BRINP3: variants seen among roughly 807,000 people sequenced by gnomAD.
BRINP3 encodes BMP/retinoic acid-inducible neural-specific protein 3.
BRINP3 carries 19 observed loss-of-function variants against 71.0 expected under a neutral mutation model. The ratio of observed to expected loss-of-function variants is 0.27; its 90% CI spans 0.19 to 0.39. BRINP3 has a LOEUF of 0.39. Among genes scored for constraint, BRINP3 ranks in the 10% least tolerant of loss-of-function variants. The pLI, the probability that BRINP3 is intolerant of heterozygous loss-of-function variation, is 1.00. For missense variants in BRINP3, 959 were observed against 940.8 expected (o/e 1.02, Z -0.25); for synonymous variants, 380 against 337.7 (o/e 1.13, Z -1.37).
chr1:190,111,603 A>G (rs10920547), intron 7 of BRINP3, among the ~76,000 whole-genome samples: 7,751 of 152,154 alleles, frequency 0.051, 659 homozygotes, highest in African/African-American at 0.18. Context: ...ACAGAAGTCT[A>G]ATGTGGGAGA....
intron 7 of BRINP3, among the ~76,000 whole-genome samples, chr1:190,152,082 G>T (rs1326706055): frequency 6.6e-6 from 1 of 152,006 alleles, no homozygotes; most frequent in African/African-American, 2.4e-5. Context: ...TAGTATTCAA[G>T]AATCTCCAAC....
At chr1:190,131,992 C>T (rs2102354961) in intron 7 of BRINP3, among the ~76,000 whole-genome samples, 1 of 152,076 alleles carries the variant, frequency 6.6e-6, no homozygotes, top group African/African-American at 2.4e-5. Flanking sequence ...TCTATCCTGG[C>T]TAGTGTGTAG....
intron 1 of BRINP3, among the ~76,000 whole-genome samples, chr1:190,473,536 T>C (rs1677283362): frequency 7.8e-6 from 1 of 128,188 alleles, no homozygotes; most frequent in South Asian, 2.5e-4. Flanking sequence ...TTAGTAATTT[T>C]TCTCTTTTTT....
At chr1:190,315,507 C>A (rs905482690) in intron 2 of BRINP3, among the ~76,000 whole-genome samples, 4 of 152,124 alleles carry the variant, frequency 2.6e-5, no homozygotes, top group African/African-American at 7.2e-5. Flanking sequence ...CATGCCCTAC[C>A]CATAAATTCG....
Position 190,231,860 on chromosome 1 carries a change from C to G in BRINP3, c.724+2512G>C, listed in dbSNP as rs564924111. Among the ~76,000 whole-genome samples, 13 of 151,918 alleles carry G rather than the reference C, an allele frequency of 8.6e-5. No homozygotes were observed. In the South Asian group the frequency reaches 2.7e-3, roughly 32 times the overall value. On this transcript the variant is annotated intron_variant, in intron 5 of 7. Transcript: ENST00000367462. ...TAGAGTTCTGTTCTGAATTAGTTGTCTAATCCAGTTGACTTCAACAATTAC... is the reference window on the plus strand; with the variant it reads ...TAGAGTTCTGTTCTGAATTAGTTGTGTAATCCAGTTGACTTCAACAATTAC...
chr1:190,394,605 A>T (rs1043236921), intron 2 of BRINP3, among the ~76,000 whole-genome samples: 6 of 151,610 alleles, frequency 4.0e-5, no homozygotes, highest in Non-Finnish European at 7.4e-5. Context: ...TATTACTAGA[A>T]AGAGAGATAT....
At chr1:190,298,898 G>T (rs1448660538) in intron 2 of BRINP3, among the ~76,000 whole-genome samples, 2 of 152,092 alleles carry the variant, frequency 1.3e-5, no homozygotes, top group African/African-American at 2.4e-5. Context: ...GACGACAGAG[G>T]TGTTGAAATA....
At chr1:190,148,195 T>C (rs976703312) in intron 7 of BRINP3, among the ~76,000 whole-genome samples, 1 of 152,068 alleles carries the variant, frequency 6.6e-6, no homozygotes, top group African/African-American at 2.4e-5. Context: ...CTCTCTCTCT[T>C]TCTCATTGCC....
chr1:190,322,777 T>C (rs899723465), intron 2 of BRINP3, among the ~76,000 whole-genome samples: 1 of 152,068 alleles, frequency 6.6e-6, no homozygotes, highest in Non-Finnish European at 1.5e-5. Context: ...TTCTAATAAA[T>C]ATAAAGTTAC....
intron 4 of BRINP3, among the ~76,000 whole-genome samples, chr1:190,244,809 G>A (rs1659434806): frequency 6.6e-6 from 1 of 151,836 alleles, no homozygotes; most frequent in Non-Finnish European, 1.5e-5. Flanking sequence ...TAGTATATTA[G>A]AACATATCTC....
chr1:190,188,498 T>G (rs1653737462), intron 6 of BRINP3, among the ~76,000 whole-genome samples: 1 of 152,188 alleles, frequency 6.6e-6, no homozygotes. Context: ...GCTGTGGGAT[T>G]GTCATATATA....
chr1:190,408,896 G>A (rs1416096714), intron 2 of BRINP3, among the ~76,000 whole-genome samples: 6 of 152,116 alleles, frequency 3.9e-5, no homozygotes, highest in Non-Finnish European at 4.4e-5. Context: ...CTAAATCAGT[G>A]GTAAAGGATG....
intron 6 of BRINP3, among the ~76,000 whole-genome samples, chr1:190,204,907 T>G (rs915548031): frequency 6.6e-6 from 1 of 152,044 alleles, no homozygotes; most frequent in Non-Finnish European, 1.5e-5. Context: ...CATTATTGGT[T>G]CCTTCTTTGT....
intron 2 of BRINP3, among the ~76,000 whole-genome samples, chr1:190,300,342 C>A (rs968382572): frequency 6.6e-6 from 1 of 152,084 alleles, no homozygotes; most frequent in South Asian, 2.1e-4. Flanking sequence ...TTGATCGCAT[C>A]GGCTCCTGAG....
chr1:190,229,617 A>C (rs1657749866), intron 5 of BRINP3, among the ~76,000 whole-genome samples: 1 of 150,116 alleles, frequency 6.7e-6, no homozygotes, highest in Non-Finnish European at 1.5e-5. Context: ...GATGAGCTAC[A>C]TACCCAGAGT....
rs149076797 is a variant in BRINP3 at position 190,303,661 on chromosome 1, G to A, written c.237-21911C>T. 6.5e-4 allele frequency among the ~76,000 whole-genome samples: 99 copies of A among 151,804 alleles called. No individual in the cohort carries two copies. The East Asian group carries it at 0.017, about 26-fold the overall frequency. Reference sequence around the variant, plus strand: ...ATTAAGTATGAGGACACTTCTGAAAGAACTAGGTCAGTTAAAAGTCAGTAA... The same window carrying A: ...ATTAAGTATGAGGACACTTCTGAAAAAACTAGGTCAGTTAAAAGTCAGTAA... On this transcript the variant is annotated intron_variant, in intron 2 of 7. Transcript: ENST00000367462.
At chr1:190,385,961 C>T (rs1670867464) in intron 2 of BRINP3, among the ~76,000 whole-genome samples, 1 of 147,958 alleles carries the variant, frequency 6.8e-6, no homozygotes. Context: ...AATCATCATT[C>T]TCAGTAAACT....
chr1:190,128,158 G>T (rs1654240511), intron 7 of BRINP3, among the ~76,000 whole-genome samples: 1 of 151,642 alleles, frequency 6.6e-6, no homozygotes, highest in Non-Finnish European at 1.5e-5. Flanking sequence ...AATTTCATAA[G>T]TTACTTCTTT....
intron 6 of BRINP3, among the ~76,000 whole-genome samples, chr1:190,194,013 C>A (rs1297838228): frequency 6.6e-6 from 1 of 152,110 alleles, no homozygotes; most frequent in Non-Finnish European, 1.5e-5. Flanking sequence ...AATCTCTCCT[C>A]CCTATTGCAA....
Sources: gnomAD v4.1 joint callset for allele counts (sites outside exome capture counted in the v4.1 genomes callset) on GRCh38, gnomAD v4.1.1 for gene constraint, MANE v1.5 for transcripts, NCBI Gene and HGNC (gene_info 2026-07-23, HGNC 2026-07-21) for gene names.